The following LAMA2 variants were observed in gnomAD, a reference collection of about 807,000 sequenced individuals.
LAMA2 encodes laminin subunit alpha 2.
In LAMA2, 269 loss-of-function variants were observed where a neutral mutation model predicts 364.8. That is an observed-to-expected ratio of 0.74 (90% confidence interval 0.67 to 0.82). The LOEUF is 0.82. LAMA2 is among the 40% of genes least tolerant of loss of function. LAMA2 has a pLI of 0.00. For missense variants in LAMA2, 3,807 were observed against 3,873.2 expected (o/e 0.98, Z 0.45); for synonymous variants, 1,379 against 1,370.6 (o/e 1.01, Z -0.14).
Position 129,492,020 on chromosome 6 carries a change from C to T in LAMA2, c.8018C>T (p.Pro2673Leu), listed in dbSNP as rs936078358. 5.6e-6 allele frequency: 9 copies of T among 1,613,976 alleles called. No homozygotes were observed. Among genetic ancestry groups the T allele is most frequent in the Middle Eastern group, 1.6e-4 (1 of 6,084 alleles). Residue 2673 changes from proline to leucine, a missense_variant, in exon 57 of 65, where the codon CCA (proline) becomes CTA (leucine). By Grantham distance (98) the Pro-to-Leu change is moderately conservative. Around this residue, in one of 3 missense-constraint regions of LAMA2, gnomAD observed 3,333 missense variants for 3,345.7 expected, o/e 1.00. Coordinates refer to ENST00000421865, the MANE Select transcript of LAMA2 (RefSeq NM_000426.4). ...GCTCCACCTGAATTTCAACCTTCCC[C>T]ACTCAGAAATATTCCTCCTTTTGAA... ...GGAPPEFQPS[P>L]LRNIPPFEGC...
At chr6:129,478,614 G>A in intron 53 of LAMA2, 79 bp from the exon 54 acceptor site, 3 of 1,480,054 alleles carry the variant, frequency 2.0e-6, no homozygotes, top group Non-Finnish European at 1.9e-6. Flanking sequence ...GCTCCACAAG[G>A]CTTCCTTCCC....
chr6:129,042,288 G>C (rs561802437), intron 1 of LAMA2, among the ~76,000 whole-genome samples: 4 of 152,214 alleles, frequency 2.6e-5, no homozygotes, highest in East Asian at 1.9e-4. Context: ...CTGGGCAACA[G>C]AGCGAGACTC....
At chr6:129,190,744 A>G (rs994785601) in intron 11 of LAMA2, among the ~76,000 whole-genome samples, 2 of 152,192 alleles carry the variant, frequency 1.3e-5, no homozygotes, top group Admixed American at 6.5e-5. Flanking sequence ...TATACATAAT[A>G]CATATTATCC....
chr6:128,909,287 C>T (rs1412379644), intron 1 of LAMA2, among the ~76,000 whole-genome samples: 2 of 152,152 alleles, frequency 1.3e-5, no homozygotes, highest in East Asian at 1.9e-4. Flanking sequence ...CTTTGTAGGT[C>T]ACTCAGGACT....
chr6:128,907,379 T>C (rs1777557109), intron 1 of LAMA2, among the ~76,000 whole-genome samples: 1 of 150,972 alleles, frequency 6.6e-6, no homozygotes, highest in African/African-American at 2.4e-5. Context: ...TTCCTAGGTA[T>C]TTTATTCTCT....
At chr6:129,402,566 T>G in intron 39 of LAMA2, 79 bp downstream of exon 39, 1 of 1,375,296 alleles carries the variant, frequency 7.3e-7, no homozygotes, top group Non-Finnish European at 1.0e-6. Context: ...TAGTAGAGAA[T>G]CATTTTCAAA....
chr6:129,039,102 A>C (rs1786892688), intron 1 of LAMA2, among the ~76,000 whole-genome samples: 1 of 152,228 alleles, frequency 6.6e-6, no homozygotes, highest in African/African-American at 2.4e-5. Flanking sequence ...CAGTAATTTT[A>C]TAGACTTGAG....
At chr6:129,126,227 A>G (rs1777109180) in intron 4 of LAMA2, among the ~76,000 whole-genome samples, 1 of 152,228 alleles carries the variant, frequency 6.6e-6, no homozygotes, top group African/African-American at 2.4e-5. Context: ...TTATACTTAG[A>G]TGGGCCATCT....
At chr6:129,128,707 C>A (rs549581327) in intron 4 of LAMA2, among the ~76,000 whole-genome samples, 1 of 152,244 alleles carries the variant, frequency 6.6e-6, no homozygotes, top group South Asian at 2.1e-4. Context: ...GTATGCAGAT[C>A]TTTTCAACTC....
chr6:129,264,756 CT>C (rs1290962224), intron 15 of LAMA2, among the ~76,000 whole-genome samples: 7 of 152,140 alleles, frequency 4.6e-5, no homozygotes, highest in Non-Finnish European at 7.4e-5. Flanking sequence ...AGGCCCAAGG[CT>C]GATGAAAGGT....
At chr6:129,369,668 G>T (rs1777961447) in intron 33 of LAMA2, among the ~76,000 whole-genome samples, 1 of 152,128 alleles carries the variant, frequency 6.6e-6, no homozygotes, top group South Asian at 2.1e-4. Flanking sequence ...AACATAAAAA[G>T]CCTGGCACAT....
At chr6:129,321,247 A>G (rs918616555) in intron 28 of LAMA2, among the ~76,000 whole-genome samples, 9 of 152,284 alleles carry the variant, frequency 5.9e-5, no homozygotes, top group East Asian at 3.9e-4. Flanking sequence ...CTTAGGATCT[A>G]ATTTCTATAA....
At chr6:128,917,252 CAA>C (rs1339348521) in intron 1 of LAMA2, among the ~76,000 whole-genome samples, 7 of 150,664 alleles carry the variant, frequency 4.6e-5, no homozygotes, top group Admixed American at 3.3e-4. Context: ...TATATATAAA[CAA>C]AAAAGAGAGC....
intron 31 of LAMA2, among the ~76,000 whole-genome samples, chr6:129,352,694 A>G (rs1039395425): frequency 6.6e-6 from 1 of 152,166 alleles, no homozygotes; most frequent in South Asian, 2.1e-4. Context: ...GCAGTCACAG[A>G]CAAACTATGA....
chr6:128,937,717 G>T (rs1779912721), intron 1 of LAMA2, among the ~76,000 whole-genome samples: 1 of 150,550 alleles, frequency 6.6e-6, no homozygotes, highest in South Asian at 2.1e-4. Context: ...TGTCAATTTT[G>T]TTTATCTTTA....
chr6:129,346,234 C>G (rs1213286657), intron 30 of LAMA2, among the ~76,000 whole-genome samples: 1 of 152,166 alleles, frequency 6.6e-6, no homozygotes, highest in African/African-American at 2.4e-5. Context: ...TTTCCAGGCT[C>G]CAAGCCCTCA....
chr6:129,203,820 A>C (rs899804587), intron 12 of LAMA2, among the ~76,000 whole-genome samples: 1 of 152,166 alleles, frequency 6.6e-6, no homozygotes, highest in Non-Finnish European at 1.5e-5. Context: ...GATCTTGGAC[A>C]TATCCCTTAA....
At chr6:128,953,708 T>G (rs966881108) in intron 1 of LAMA2, among the ~76,000 whole-genome samples, 1 of 151,938 alleles carries the variant, frequency 6.6e-6, no homozygotes, top group Non-Finnish European at 1.5e-5. Flanking sequence ...CTTATCAATA[T>G]ATTATAATAA....
At chr6:129,372,240 C>T (rs886672445) in intron 34 of LAMA2, among the ~76,000 whole-genome samples, 3 of 152,072 alleles carry the variant, frequency 2.0e-5, no homozygotes, top group Non-Finnish European at 4.4e-5. Flanking sequence ...GACATGTGTC[C>T]ACCGTTGTTG....
Sources: gnomAD v4.1 joint callset for allele counts (sites outside exome capture counted in the v4.1 genomes callset) on GRCh38, gnomAD v4.1.1 for gene constraint, gnomAD v4.1.1 regional missense constraint, MANE v1.5 for transcripts, NCBI Gene and HGNC (gene_info 2026-07-23, HGNC 2026-07-21) for gene names.